FGFR2: variants seen among roughly 807,000 people sequenced by gnomAD.
FGFR2 encodes the protein BEK fibroblast growth factor receptor.
In FGFR2, 19 loss-of-function variants were observed where a neutral mutation model predicts 95.9. The ratio of observed to expected loss-of-function variants is 0.20; its 90% CI spans 0.14 to 0.29. The LOEUF (loss-of-function observed/expected upper bound fraction) is 0.29. FGFR2 is among the 10% of genes least tolerant of loss of function. FGFR2 has a pLI of 1.00. For synonymous variants in FGFR2, 392 were observed against 393.3 expected (o/e 1.00, Z 0.04); for missense variants, 707 against 1,056.9 (o/e 0.67, Z 4.59).
intron 10 of FGFR2, among the ~76,000 whole-genome samples, chr10:121,501,635 C>G (rs1847618221): frequency 6.6e-6 from 1 of 152,142 alleles, no homozygotes; most frequent in Admixed American, 6.5e-5. Context: ...CAGAAACCAA[C>G]AAAACGCAAA....
At chr10:121,572,176 A>AT (rs1315830542) in intron 2 of FGFR2, among the ~76,000 whole-genome samples, 12 of 145,504 alleles carry the variant, frequency 8.2e-5, no homozygotes, top group African/African-American at 1.0e-4. Context: ...AAAAAAAAAA[A>AT]AGCCGGGAAT....
chr10:121,546,637 T>C (rs1854558997), intron 5 of FGFR2, among the ~76,000 whole-genome samples: 1 of 152,196 alleles, frequency 6.6e-6, no homozygotes, highest in African/African-American at 2.4e-5. Flanking sequence ...CTCTTTGACT[T>C]TGTTTTGCTT....
At chr10:121,578,875 A>C (rs1860358160) in intron 2 of FGFR2, among the ~76,000 whole-genome samples, 1 of 152,212 alleles carries the variant, frequency 6.6e-6, no homozygotes, top group African/African-American at 2.4e-5. Flanking sequence ...GTGCCATTGC[A>C]CTCCAGCCTG....
chr10:121,586,397 A>G (rs45631583), intron 2 of FGFR2, among the ~76,000 whole-genome samples: 25,018 of 152,188 alleles, frequency 0.16, 2,085 homozygotes, highest in Non-Finnish European at 0.19. Context: ...TGTGCATTCC[A>G]TTCTGAAATG....
chr10:121,483,611 C>G, intron 17 of FGFR2, 87 bp downstream of exon 17: 1 of 942,262 alleles, frequency 1.1e-6, no homozygotes, highest in South Asian at 1.4e-5. Flanking sequence ...CTCCAACCAA[C>G]AGCCAACAGG....
chr10:121,589,900 C>A (rs887313308), intron 2 of FGFR2, among the ~76,000 whole-genome samples: 2 of 152,204 alleles, frequency 1.3e-5, no homozygotes, highest in African/African-American at 4.8e-5. Flanking sequence ...TATTTTAAAT[C>A]ATTCACTCTT....
intron 1 of FGFR2, among the ~76,000 whole-genome samples, chr10:121,594,333 A>G (rs1302872184): frequency 6.6e-6 from 1 of 152,226 alleles, no homozygotes; most frequent in African/African-American, 2.4e-5. Context: ...AAGGGCAACT[A>G]CAAAAGCAAG....
intron 15 of FGFR2, 26 bp downstream of exon 15, chr10:121,487,328 A>G (rs369395878): frequency 1.6e-4 from 259 of 1,595,764 alleles, no homozygotes; most frequent in Non-Finnish European, 2.0e-4. Context: ...GCCCAGGAAA[A>G]AGCCAGAGAA....
rs1564843479 is a variant in FGFR2, at chr10:121,479,903, G to A, written c.2420C>T (p.Pro807Leu). Residue 807 changes from proline to leucine, a missense_variant, in exon 18 of 18, where the codon CCA (proline) becomes CTA (leucine). Pro to Leu is a moderately conservative substitution (Grantham distance 98, BLOSUM62 -3). Around this residue, in one of 7 missense-constraint regions of FGFR2, gnomAD observed 51 missense variants for 50.2 expected, o/e 1.01. Transcript: ENST00000358487. ...VFSPDPMPYEPCLPQYPHING... is the reference protein window; with the variant it reads ...VFSPDPMPYELCLPQYPHING... ...TATGTGTGGATACTGAGGAAGGCAT[G>A]GTTCGTAAGGCATGGGGTCTGGAGA... 1 of 1,614,144 alleles carries A rather than the reference G, an allele frequency of 6.2e-7. No individual in the cohort carries two copies. The highest frequency in any genetic ancestry group is 1.7e-5 in the Admixed American group (1 of 60,018).
Position 121,503,960 on chromosome 10 carries a change from G to A in FGFR2, c.1288-19C>T, listed in dbSNP as rs747173992. 1.2e-6 allele frequency: 2 copies of A among 1,613,820 alleles called. No homozygotes were observed. The highest frequency in any genetic ancestry group is 2.2e-5 in the South Asian group (2 of 90,996). On this transcript the variant is annotated intron_variant, in intron 9 of 17. Transcript: ENST00000358487. Reference sequence around the variant, plus strand: ...CCGAAACCTGGATACAAAATGCAAAGACACAGATGTAATCCTGGCTCCATC... The same window carrying A: ...CCGAAACCTGGATACAAAATGCAAAAACACAGATGTAATCCTGGCTCCATC...
chr10:121,493,001 C>T (rs1186174977), intron 13 of FGFR2, among the ~76,000 whole-genome samples: 2 of 152,116 alleles, frequency 1.3e-5, no homozygotes, highest in South Asian at 2.1e-4. Flanking sequence ...GGTCTGGGAC[C>T]TGCCACTCCA....
chr10:121,480,557 G>A (rs1341792004), intron 17 of FGFR2: 3 of 223,776 alleles, frequency 1.3e-5, no homozygotes, highest in Non-Finnish European at 2.7e-5. Flanking sequence ...TAGTTTCGGG[G>A]ATAATTGAAG....
chr10:121,591,205 T>C (rs914337946), intron 2 of FGFR2, among the ~76,000 whole-genome samples: 3 of 152,276 alleles, frequency 2.0e-5, no homozygotes, highest in Middle Eastern at 3.4e-3. Flanking sequence ...GACTAACAGA[T>C]GAGGGGAAGT....
chr10:121,597,832 G>C (rs1022106368), intron 1 of FGFR2, 130 bp downstream of exon 1: 2 of 361,138 alleles, frequency 5.5e-6, no homozygotes, highest in African/African-American at 4.2e-5. Flanking sequence ...GGAGGACACG[G>C]AGCGTCCTCC....
chr10:121,548,390 C>T lies in FGFR2; in HGVS notation c.624+2900G>A, dbSNP rs79094747. 7.7e-4 allele frequency among the ~76,000 whole-genome samples: 116 copies of T among 151,382 alleles called. 1 individual carries two copies. The East Asian group carries it at 0.017, about 22-fold the overall frequency. On this transcript the variant is annotated intron_variant, in intron 5 of 17. Coordinates refer to ENST00000358487, the MANE Select transcript of FGFR2 (RefSeq NM_000141.5). The stretch of plus-strand genomic sequence containing the variant: ...AACAAAATCACTTTGGTCATCTGCA[C>T]TCCACAGGGGCAGGCTAAAGGCTTT...
chr10:121,589,813 T>C (rs1176187698), intron 2 of FGFR2, among the ~76,000 whole-genome samples: 1 of 152,234 alleles, frequency 6.6e-6, no homozygotes, highest in Non-Finnish European at 1.5e-5. Flanking sequence ...CAAAGCTAAC[T>C]ATCAAGTTAC....
At chr10:121,586,439 G>A (rs1861843095) in intron 2 of FGFR2, among the ~76,000 whole-genome samples, 1 of 152,182 alleles carries the variant, frequency 6.6e-6, no homozygotes, top group Non-Finnish European at 1.5e-5. Flanking sequence ...AGTTAGACAA[G>A]GGGTTAAAGG....
intron 2 of FGFR2, among the ~76,000 whole-genome samples, chr10:121,571,954 T>A (rs4751843): frequency 0.3 from 44,317 of 146,614 alleles, 6,643 homozygotes; most frequent in Admixed American, 0.35. Flanking sequence ...AAAAAAAAAA[T>A]AAAAAAAAAA....
chr10:121,561,216 G>C (rs1221546853), intron 4 of FGFR2, among the ~76,000 whole-genome samples: 1 of 152,014 alleles, frequency 6.6e-6, no homozygotes, highest in Non-Finnish European at 1.5e-5. Context: ...CCTGAGGTCG[G>C]GAGTTCCAGA....
Sources: gnomAD v4.1 joint callset for allele counts (sites outside exome capture counted in the v4.1 genomes callset) on GRCh38, gnomAD v4.1.1 for gene constraint, gnomAD v4.1.1 regional missense constraint, MANE v1.5 for transcripts, NCBI Gene and HGNC (gene_info 2026-07-23, HGNC 2026-07-21) for gene names.